Variants in CSMD2 observed in about 807,000 individuals in gnomAD.
The protein encoded by CSMD2 is CUB and sushi domain-containing protein 2.
Under a neutral mutation model 398.5 loss-of-function variants are expected in CSMD2, and 130 were observed. That is an observed-to-expected ratio of 0.33 (90% confidence interval 0.28 to 0.38). CSMD2 has a LOEUF of 0.38. Ranked by LOEUF, CSMD2 falls within the 10% of genes least tolerant of loss-of-function variation. The pLI is 1.00. For missense variants in CSMD2, 3,829 were observed against 4,764.9 expected (o/e 0.80, Z 5.78); for synonymous variants, 1,828 against 1,908.5 (o/e 0.96, Z 1.10).
intron 4 of CSMD2, among the ~76,000 whole-genome samples, chr1:33,929,432 CTT>C (rs936900076): frequency 2.4e-3 from 239 of 100,634 alleles, no homozygotes; most frequent in African/African-American, 9.9e-3. Flanking sequence ...CAAGCCTATA[CTT>C]TTTTTTTTTT....
At chr1:33,927,552 G>A (rs952757879) in intron 4 of CSMD2, among the ~76,000 whole-genome samples, 1 of 152,182 alleles carries the variant, frequency 6.6e-6, no homozygotes, top group Non-Finnish European at 1.5e-5. Flanking sequence ...GGCTCAGTGA[G>A]TTTTTAAGAC....
chr1:33,540,660 T>C lies in CSMD2; in HGVS notation c.9496A>G (p.Lys3166Glu). The change falls in exon 60 of 71, where the codon AAG (lysine) becomes GAG (glutamate). Residue 3166 changes from lysine to glutamate, a missense_variant. By Grantham distance (56) the Lys-to-Glu change is moderately conservative. Transcript: ENST00000373381. The part of the protein sequence containing the change: ...CKPPPLIPNG[K>E]VVGSDFMWGS... ...CACATGAAGTCAGACCCCACCACCT[T>C]CCCATTGGGGATGAGCGGAGGTGGC... is the stretch of plus-strand genomic sequence containing the variant. 1.9e-6 allele frequency: 3 copies of C among 1,613,982 alleles called. No homozygotes were observed. Among genetic ancestry groups the C allele is most frequent in the African/African-American group, 1.3e-5 (1 of 74,974 alleles).
intron 1 of CSMD2, among the ~76,000 whole-genome samples, chr1:34,118,515 A>G (rs1307352115): frequency 6.6e-6 from 1 of 152,236 alleles, no homozygotes; most frequent in African/African-American, 2.4e-5. Context: ...TTCCACACGT[A>G]CATACAAAAC....
chr1:33,760,080 T>A (rs1425070691), intron 13 of CSMD2, among the ~76,000 whole-genome samples: 2 of 152,238 alleles, frequency 1.3e-5, no homozygotes, highest in African/African-American at 4.8e-5. Context: ...AGAGGTTGGC[T>A]AGGTTCTTGG....
chr1:34,143,471 T>C (rs1474146817), intron 1 of CSMD2, among the ~76,000 whole-genome samples: 1 of 152,184 alleles, frequency 6.6e-6, no homozygotes, highest in Non-Finnish European at 1.5e-5. Flanking sequence ...TGCCCCGTGT[T>C]AAACTTTATT....
rs547496346 is a variant in CSMD2, at chr1:33,829,854, A to T, written c.1034-4080T>A. On this transcript the variant is annotated intron_variant, in intron 6 of 70. Transcript: ENST00000373381. ...TTAGGAAATGGCACACCAGGAGATT[A>T]TATTCCGCACCTAGCTCGGAGGGTC... Among the ~76,000 whole-genome samples the T allele has an allele frequency of 2.6e-3, 402 of 152,214 alleles. 2 individuals are homozygous for T. The highest frequency in any genetic ancestry group is 3.8e-3 in the Non-Finnish European group (260 of 68,018).
chr1:33,854,509 C>T (rs538970556), intron 5 of CSMD2, among the ~76,000 whole-genome samples: 2 of 152,346 alleles, frequency 1.3e-5, no homozygotes, highest in South Asian at 2.1e-4. Flanking sequence ...GCACTGCCCA[C>T]TCCTGTCAAG....
intron 3 of CSMD2, among the ~76,000 whole-genome samples, chr1:33,943,621 C>T (rs1002565518): frequency 2.0e-5 from 3 of 152,110 alleles, no homozygotes; most frequent in Admixed American, 6.6e-5. Flanking sequence ...TAAGGAGTTA[C>T]GTGGGGGTTT....
chr1:34,159,972 G>A (rs565379868), intron 1 of CSMD2, among the ~76,000 whole-genome samples: 1 of 152,316 alleles, frequency 6.6e-6, no homozygotes, highest in African/African-American at 2.4e-5. Flanking sequence ...ACAGCAGGGA[G>A]ACTGAGCCCT....
At chr1:34,029,438 C>T (rs958973296) in intron 3 of CSMD2, among the ~76,000 whole-genome samples, 12 of 152,178 alleles carry the variant, frequency 7.9e-5, no homozygotes, top group African/African-American at 1.2e-4. Context: ...GATAGACATC[C>T]CAGGGCATAT....
intron 6 of CSMD2, among the ~76,000 whole-genome samples, chr1:33,828,536 G>A (rs1234752811): frequency 6.6e-6 from 1 of 152,176 alleles, no homozygotes; most frequent in Non-Finnish European, 1.5e-5. Context: ...GCTAGAGGAA[G>A]GGGAATGAGG....
intron 9 of CSMD2, among the ~76,000 whole-genome samples, chr1:33,814,881 A>G (rs1007149189): frequency 6.6e-6 from 1 of 151,832 alleles, no homozygotes; most frequent in Non-Finnish European, 1.5e-5. Flanking sequence ...TGGCTCCCAC[A>G]TTTCATCCCA....
intron 13 of CSMD2, among the ~76,000 whole-genome samples, chr1:33,749,200 G>A (rs1023061137): frequency 2.2e-5 from 3 of 138,872 alleles, no homozygotes; most frequent in Non-Finnish European, 4.5e-5. Flanking sequence ...CCAGGTTCAC[G>A]CCATTCTCTT....
At chr1:33,764,904 G>A (rs1373395318) in intron 13 of CSMD2, among the ~76,000 whole-genome samples, 2 of 152,188 alleles carry the variant, frequency 1.3e-5, no homozygotes, top group African/African-American at 4.8e-5. Context: ...AGAGGGGAGG[G>A]AAAATAGAGC....
intron 5 of CSMD2, among the ~76,000 whole-genome samples, chr1:33,868,062 T>G (rs1057155108): frequency 1.3e-5 from 2 of 152,018 alleles, no homozygotes; most frequent in Non-Finnish European, 2.9e-5. Flanking sequence ...TGTAATGTAA[T>G]GACAATGGAG....
At chr1:34,099,701 C>T (rs79698497) in intron 1 of CSMD2, among the ~76,000 whole-genome samples, 1 of 152,318 alleles carries the variant, frequency 6.6e-6, no homozygotes, top group East Asian at 1.9e-4. Flanking sequence ...GAGAGGTTGA[C>T]TCAATGTGGT....
intron 1 of CSMD2, among the ~76,000 whole-genome samples, chr1:34,136,368 CA>C (rs1383816636): frequency 6.6e-6 from 1 of 152,006 alleles, no homozygotes; most frequent in African/African-American, 2.4e-5. Flanking sequence ...CTTTTGGTTC[CA>C]AAAAAAGTGT....
chr1:33,574,904 T>C (rs1659925856), intron 49 of CSMD2, among the ~76,000 whole-genome samples: 1 of 152,220 alleles, frequency 6.6e-6, no homozygotes. Context: ...GAAGAAATAC[T>C]TGGATCTCCA....
chr1:33,778,688 C>A (rs556393126), intron 12 of CSMD2, among the ~76,000 whole-genome samples: 1 of 152,210 alleles, frequency 6.6e-6, no homozygotes. Context: ...GCCTGCCCCA[C>A]GGCCCCTGCC....
Sources: allele counts gnomAD v4.1 joint callset (sites outside exome capture counted in the v4.1 genomes callset), GRCh38; gene constraint gnomAD v4.1.1; transcripts MANE v1.5; gene names NCBI Gene and HGNC (gene_info 2026-07-23, HGNC 2026-07-21).